The following LARS1 variants were observed in gnomAD, a reference collection of about 807,000 sequenced individuals.
LARS1 encodes the protein leucine--tRNA ligase, cytoplasmic.
Under a neutral mutation model 162.8 loss-of-function variants are expected in LARS1, and 100 were observed. The ratio of observed to expected loss-of-function variants is 0.61; its 90% CI spans 0.52 to 0.73. The LOEUF (loss-of-function observed/expected upper bound fraction) is 0.73, where lower values mean the gene tolerates loss of function less well. Ranked by LOEUF, LARS1 falls within the 30% of genes least tolerant of loss-of-function variation. The pLI is 0.00. For missense variants in LARS1, 1,258 were observed against 1,408.9 expected, an observed-to-expected ratio of 0.89 and a Z score of 1.71; for synonymous variants, 457 against 462.8, an observed-to-expected ratio of 0.99 and a Z score of 0.16.
rs1012482225 is a variant in LARS1 at position 146,131,156 on chromosome 5, T to A, written c.2397-47A>T. ...AGGTTATTGAGTTTAAAGGCACTTATACATAGCTATAAAAAACTGCTGCAT... is the reference window on the plus strand; with the variant it reads ...AGGTTATTGAGTTTAAAGGCACTTAAACATAGCTATAAAAAACTGCTGCAT... On this transcript the variant is annotated intron_variant, in intron 23 of 31. Coordinates refer to ENST00000394434, the MANE Select transcript of LARS1 (RefSeq NM_020117.11). 13 of 890,010 alleles carry A rather than the reference T, an allele frequency of 1.5e-5. No homozygotes were observed. The Admixed American group carries it at 3.5e-4, about 24-fold the overall frequency. 55.1% of individuals were successfully genotyped at this position (890,010 alleles called of 1,614,324 possible).
intron 1 of LARS1, chr5:146,179,650 G>A (rs777415579): frequency 3.0e-5 from 13 of 435,992 alleles, no homozygotes; most frequent in African/African-American, 2.4e-4. Flanking sequence ...CCAGGCTGGA[G>A]CATAATGGTG....
chr5:146,153,663 A>C, intron 12 of LARS1, 71 bp downstream of exon 12: 1 of 1,152,626 alleles, frequency 8.7e-7, no homozygotes, highest in South Asian at 1.3e-5. Context: ...CTAGTCCCAC[A>C]GCGTAGTTCA....
At chr5:146,133,838 T>C (rs1438741683) in intron 22 of LARS1, among the ~76,000 whole-genome samples, 1 of 152,126 alleles carries the variant, frequency 6.6e-6, no homozygotes, top group Non-Finnish European at 1.5e-5. Flanking sequence ...CATACACATA[T>C]CTATGTTTTT....
chr5:146,155,146 C>G (rs780986010), intron 10 of LARS1, among the ~76,000 whole-genome samples: 5 of 152,146 alleles, frequency 3.3e-5, no homozygotes, highest in Non-Finnish European at 7.4e-5. Flanking sequence ...GCCACCGTGC[C>G]CGTCCCGGAA....
chr5:146,137,084 G>A (rs1333908309), intron 21 of LARS1, among the ~76,000 whole-genome samples: 1 of 152,142 alleles, frequency 6.6e-6, no homozygotes, highest in Admixed American at 6.5e-5. Context: ...TTTTAGTAGA[G>A]ATGGAGTTTC....
At chr5:146,174,302 G>A (rs879636386) in intron 2 of LARS1, among the ~76,000 whole-genome samples, 3 of 149,872 alleles carry the variant, frequency 2.0e-5, no homozygotes, top group Non-Finnish European at 4.4e-5. Flanking sequence ...AAAATTAGCT[G>A]TGCGTGGTGG....
At position 146,182,543 on chromosome 5, in the gene LARS1, T is replaced by A; in HGVS notation, c.-50A>T. 1 of 1,613,396 alleles carries A rather than the reference T, an allele frequency of 6.2e-7. No individual in the cohort carries two copies. The highest frequency in any genetic ancestry group is 8.5e-7 in the Non-Finnish European group (1 of 1,179,660). On this transcript the variant is annotated 5_prime_UTR_variant, in exon 1 of 32. Transcript: ENST00000394434. ...ATCCACGACAATGACCCTGGCGACC[T>A]CCACAAAGGAGTGGTTACCTTTCCC...
chr5:146,139,090 C>T (rs951607577), intron 21 of LARS1: 3 of 253,736 alleles, frequency 1.2e-5, no homozygotes, highest in Non-Finnish European at 2.3e-5. Context: ...TGCCTGTAAT[C>T]GCAGCACTTT....
chr5:146,154,144 T>C lies in LARS1; in HGVS notation c.1066-164A>G, dbSNP rs73315788. On this transcript the variant is annotated intron_variant, in intron 10 of 31. Coordinates refer to ENST00000394434, the MANE Select transcript of LARS1 (RefSeq NM_020117.11). ...ATATGGTGACTATAGGAAATAACAA[T>C]GTATTTTATACTTGAAAATTGCTGT... 0.01 allele frequency among the ~76,000 whole-genome samples: 1,553 copies of C among 152,356 alleles called. 31 individuals carry two copies. Among genetic ancestry groups the C allele is most frequent in the African/African-American group, 0.034 (1,417 of 41,584 alleles).
intron 7 of LARS1, 78 bp from the exon 8 acceptor site, chr5:146,159,548 T>A: frequency 9.2e-7 from 1 of 1,082,608 alleles, no homozygotes; most frequent in Non-Finnish European, 1.4e-6. Context: ...GTGTTGCACC[T>A]AATTTCTTAC....
chr5:146,135,539 G>C, intron 22 of LARS1, 62 bp downstream of exon 22: 1 of 1,195,596 alleles, frequency 8.4e-7, no homozygotes, highest in Non-Finnish European at 1.2e-6. Flanking sequence ...CAATTTTAAC[G>C]TGTCTTCTAT....
At chr5:146,152,110 T>A in intron 13 of LARS1, 108 bp from the exon 14 acceptor site, 1 of 1,175,156 alleles carries the variant, frequency 8.5e-7, no homozygotes, top group African/African-American at 1.5e-5. Flanking sequence ...TCAGATTGTA[T>A]ATGTCATTAC....
intron 2 of LARS1, among the ~76,000 whole-genome samples, chr5:146,176,448 CAA>C (rs34896615): frequency 0.31 from 23,736 of 76,028 alleles, 1,697 homozygotes; most frequent in Admixed American, 0.4. Flanking sequence ...AAGACTGTCT[CAA>C]AAAAAAAAAA....
intron 4 of LARS1, among the ~76,000 whole-genome samples, chr5:146,169,702 C>T (rs753371647): frequency 1.3e-5 from 2 of 152,052 alleles, no homozygotes; most frequent in Non-Finnish European, 2.9e-5. Flanking sequence ...GCACCTGCCA[C>T]CACGCCCGGC....
At chr5:146,171,293 G>A (rs1050089491) in intron 4 of LARS1, among the ~76,000 whole-genome samples, 8 of 151,638 alleles carry the variant, frequency 5.3e-5, no homozygotes, top group Non-Finnish European at 1.2e-4. Context: ...GGAGAAGGAG[G>A]TTGCAGTTAG....
intron 5 of LARS1, among the ~76,000 whole-genome samples, chr5:146,167,406 A>AT (rs756992676): frequency 2.4e-3 from 348 of 145,102 alleles, no homozygotes; most frequent in Middle Eastern, 7.1e-3. Flanking sequence ...CAGAAAGATA[A>AT]TTTTTTTTTT....
Position 146,173,492 on chromosome 5 carries a change from A to G in LARS1, c.126-718T>C, listed in dbSNP as rs370310488. Among the ~76,000 whole-genome samples, 28 of 151,652 alleles carry G rather than the reference A, an allele frequency of 1.8e-4. No individual in the cohort carries two copies. The East Asian group carries it at 5.0e-3, about 27-fold the overall frequency. ...CCTCAGGTAATATAAAACATCCTCA[A>G]TATTACTTGATATGTGGTAGATTCA... On this transcript the variant is annotated intron_variant, in intron 2 of 31. Coordinates refer to ENST00000394434, the MANE Select transcript of LARS1 (RefSeq NM_020117.11).
chr5:146,125,579 A>G (rs1185499134), intron 28 of LARS1, among the ~76,000 whole-genome samples: 6 of 151,960 alleles, frequency 3.9e-5, no homozygotes, highest in African/African-American at 9.7e-5. Flanking sequence ...GCACTCCTAA[A>G]AAGTTTGGTT....
rs758428060 is a variant in LARS1, at chr5:146,144,352, A to G, written c.1656-3T>C. 11 of 1,611,066 alleles carry G rather than the reference A, an allele frequency of 6.8e-6. No homozygotes were observed. Among genetic ancestry groups the G allele is most frequent in the Non-Finnish European group, 9.3e-6 (11 of 1,179,030 alleles). On this transcript the variant is annotated splice_polypyrimidine_tract_variant and splice_region_variant and intron_variant, in intron 17 of 31. Transcript: ENST00000394434. ...TCCTCCTGGTCTCCTCACAGAATCT[A>G]GAAAAGAGCAAAAGACAAAGTGTAT...
Sources: gnomAD v4.1 joint callset for allele counts (sites outside exome capture counted in the v4.1 genomes callset) on GRCh38, gnomAD v4.1.1 for gene constraint, MANE v1.5 for transcripts, NCBI Gene and HGNC (gene_info 2026-07-23, HGNC 2026-07-21) for gene names.